Variants in MIB1 observed in about 807,000 individuals in gnomAD.
MIB1 encodes E3 ubiquitin-protein ligase MIB1.
A neutral mutation model predicts 124.5 loss-of-function variants in MIB1; 278 were observed. That is an observed-to-expected ratio of 2.23 (90% CI 2.02 to 2.47). The LOEUF (loss-of-function observed/expected upper bound fraction) is 2.47. MIB1 is among the 30% of genes most tolerant of loss of function. The pLI is 0.00. For missense variants in MIB1, 957 were observed against 1,254.4 expected (o/e 0.76, Z 3.58); for synonymous variants, 446 against 429.4 (o/e 1.04, Z -0.48).
At chr18:21,828,174 G>A (rs563422112) in intron 12 of MIB1, 4 of 151,974 alleles carry the variant, frequency 2.6e-5, no homozygotes, top group African/African-American at 9.6e-5. Flanking sequence ...GTATAAATTG[G>A]TTCTTGACTA....
At chr18:21,738,443 A>C (rs563896929), upstream of MIB1, among the ~76,000 whole-genome samples, 28 of 152,316 alleles carry the variant, frequency 1.8e-4, no homozygotes, top group African/African-American at 6.5e-4. Flanking sequence ...TGTAGAGGGA[A>C]ATTTATAGCA....
intron 12 of MIB1, among the ~76,000 whole-genome samples, chr18:21,823,625 GCCAT>G (rs993650037): frequency 7.9e-5 from 12 of 152,180 alleles, no homozygotes; most frequent in Admixed American, 1.3e-4. Context: ...GAGTTACAAA[GCCAT>G]TTATTGTTGT....
At chr18:21,727,342 C>T (rs1184436300) in intron 1 of MIB1, among the ~76,000 whole-genome samples, 1 of 152,144 alleles carries the variant, frequency 6.6e-6, no homozygotes, top group Admixed American at 6.5e-5. Context: ...CCATGTTGGC[C>T]AGCTGGTCTT....
intron 12 of MIB1, chr18:21,826,093 T>C (rs2041922637): frequency 5.2e-6 from 1 of 193,388 alleles, no homozygotes; most frequent in Non-Finnish European, 1.1e-5. Flanking sequence ...ATGTAGACAA[T>C]AAGCTATTTC....
chr18:21,831,905 TTGATTGATAAAAAATGTTATGGATGG>T (rs1194588223), intron 12 of MIB1, among the ~76,000 whole-genome samples: 1 of 152,200 alleles, frequency 6.6e-6, no homozygotes, highest in Non-Finnish European at 1.5e-5. Context: ...ACCTGATTTT[TTGATTGATAAAAAATGTTATGGATGG>T]TGATATGTTA....
upstream of MIB1, among the ~76,000 whole-genome samples, chr18:21,739,944 A>C (rs1195409384): frequency 6.6e-6 from 1 of 151,866 alleles, no homozygotes; most frequent in Non-Finnish European, 1.5e-5. Context: ...ACAACAACAA[A>C]AAAAACCAAA....
In MIB1 at chr18:21,751,739, C is replaced by T. The variant is rs541758960; in HGVS notation, c.229+9927C>T. On this transcript the variant is annotated intron_variant, in intron 1 of 20. Coordinates refer to ENST00000261537, the MANE Select transcript of MIB1 (RefSeq NM_020774.4). Reference sequence around the variant, plus strand: ...TTCTTTCTTTCTAGTAGTTTGAGTCCTTGCAGGCCTGAAAATTGCTTTATT... The same window carrying T: ...TTCTTTCTTTCTAGTAGTTTGAGTCTTTGCAGGCCTGAAAATTGCTTTATT... Among the ~76,000 whole-genome samples, 20 of 151,696 alleles carry T rather than the reference C, an allele frequency of 1.3e-4. No homozygotes were observed. The South Asian group carries it at 4.0e-3, about 30-fold the overall frequency.
In MIB1 at chr18:21,726,307, C is replaced by T. The variant is rs998474995; in HGVS notation, n.167+21184C>T. Among the ~76,000 whole-genome samples the T allele has an allele frequency of 6.6e-5, 10 of 152,010 alleles. 1 individual carries two copies. Among genetic ancestry groups the T allele is most frequent in the Admixed American group, 3.3e-4 (5 of 15,242 alleles). On this transcript the variant is annotated intron_variant and non_coding_transcript_variant, in intron 1 of 20. Coordinates refer to the MIB1 transcript ENST00000578646. ...GTGGCTCACACCTGTAATCTCAACG[C>T]TTTGGGAGGCTGAGGTGGGAGGATT...
chr18:21,734,512 C>G (rs1219418805), intron 1 of MIB1, among the ~76,000 whole-genome samples: 4 of 145,770 alleles, frequency 2.7e-5, no homozygotes, highest in African/African-American at 1.0e-4. Flanking sequence ...TTCTTTCTTT[C>G]TTGTCTCTCT....
In MIB1 at chr18:21,727,536, AGTTT is replaced by A. The variant is rs373890000; in HGVS notation, n.167+22415_167+22418del. On this transcript the variant is annotated intron_variant and non_coding_transcript_variant, in intron 1 of 20. Coordinates refer to the MIB1 transcript ENST00000578646. Reference sequence around the variant, plus strand: ...GGTGGGAGGATTGCTTGAAGCTAGTAGTTTGAGACCAGCCTGGGCAACATAACAA... The same window carrying A: ...GGTGGGAGGATTGCTTGAAGCTAGTAGAGACCAGCCTGGGCAACATAACAA... Among the ~76,000 whole-genome samples the A allele has an allele frequency of 1.2e-4, 19 of 152,312 alleles. 1 individual carries two copies. Among genetic ancestry groups the A allele is most frequent in the African/African-American group, 4.6e-4 (19 of 41,586 alleles).
intron 1 of MIB1, among the ~76,000 whole-genome samples, chr18:21,706,535 C>T (rs992184564): frequency 1.2e-4 from 19 of 152,142 alleles, no homozygotes; most frequent in Middle Eastern, 3.2e-3. Context: ...GGGCGGGAAC[C>T]GGGGCTGCTG....
At chr18:21,833,873 A>T (rs2042004482) in intron 12 of MIB1, among the ~76,000 whole-genome samples, 1 of 152,224 alleles carries the variant, frequency 6.6e-6, no homozygotes, top group South Asian at 2.1e-4. Context: ...ACTGGTAGTA[A>T]GATCTTATCT....
At chr18:21,710,433 T>C (rs1166719491) in intron 1 of MIB1, among the ~76,000 whole-genome samples, 3 of 151,956 alleles carry the variant, frequency 2.0e-5, no homozygotes, top group Non-Finnish European at 4.4e-5. Flanking sequence ...CTAAACAAAA[T>C]TCATTCAAAT....
chr18:21,736,875 C>A (rs2040798843), upstream of MIB1, among the ~76,000 whole-genome samples: 2 of 152,172 alleles, frequency 1.3e-5, no homozygotes, highest in Middle Eastern at 3.4e-3. Context: ...TGTAAAAAGA[C>A]CAAATATATG....
At chr18:21,721,586 T>G (rs1028755293) in intron 1 of MIB1, among the ~76,000 whole-genome samples, 1 of 152,104 alleles carries the variant, frequency 6.6e-6, no homozygotes, top group East Asian at 1.9e-4. Flanking sequence ...CAAGGGAATA[T>G]TTTTTGGGGA....
At chr18:21,839,869 TCAG>T (rs1279188540) in intron 13 of MIB1, among the ~76,000 whole-genome samples, 1 of 152,222 alleles carries the variant, frequency 6.6e-6, no homozygotes, top group Non-Finnish European at 1.5e-5. Flanking sequence ...GATTTGTTCT[TCAG>T]CAGCTTTTTG....
At chr18:21,856,702 A>G (rs962768113) in intron 18 of MIB1, among the ~76,000 whole-genome samples, 4 of 152,212 alleles carry the variant, frequency 2.6e-5, no homozygotes, top group Admixed American at 6.5e-5. Context: ...CGTTCCGCAC[A>G]TGTATCCCAG....
intron 17 of MIB1, among the ~76,000 whole-genome samples, chr18:21,850,693 T>TTG (rs1216203003): frequency 1.3e-5 from 2 of 152,190 alleles, no homozygotes; most frequent in Non-Finnish European, 2.9e-5. Flanking sequence ...ATAGCACTTA[T>TTG]TGTGTGCCAG....
At position 21,869,325 on chromosome 18, in the gene MIB1, A is replaced by C. The variant is rs1252218712; in HGVS notation, c.*4659A>C. The C allele has an allele frequency of 1.3e-5, 2 of 152,420 alleles. No homozygotes were observed. Among genetic ancestry groups the C allele is most frequent in the African/African-American group, 4.8e-5 (2 of 41,432 alleles). The allele number at this position is 152,420 out of a possible 1,614,324, so 9.4% of individuals were successfully genotyped here. ...ACGTGCCATTTTGTCTGCAATCTAT[A>C]ATTTCAGGAAGTTATTGAAAGTTCT... On this transcript the variant is annotated 3_prime_UTR_variant, in exon 21 of 21. Transcript: ENST00000261537.
Sources: gnomAD v4.1 joint callset for allele counts (sites outside exome capture counted in the v4.1 genomes callset) on GRCh38, gnomAD v4.1.1 for gene constraint, MANE v1.5 for transcripts, NCBI Gene and HGNC (gene_info 2026-07-23, HGNC 2026-07-21) for gene names.